Variants in GSK3B observed in about 807,000 individuals in gnomAD.
GSK3B encodes the protein glycogen synthase kinase 3 beta.
A neutral mutation model predicts 56.4 loss-of-function variants in GSK3B; 15 were observed. That is an observed-to-expected ratio of 0.27 (90% CI 0.18 to 0.41). The LOEUF is 0.41. GSK3B is among the 10% of genes least tolerant of loss of function. The pLI, the probability that GSK3B is intolerant of heterozygous loss-of-function variation, is 1.00. For missense variants in GSK3B, 300 were observed against 513.4 expected (o/e 0.58, Z 4.02); for synonymous variants, 181 against 188.9 (o/e 0.96, Z 0.34).
At chr3:119,915,534 T>C (rs2056771983) in intron 5 of GSK3B, among the ~76,000 whole-genome samples, 1 of 152,112 alleles carries the variant, frequency 6.6e-6, no homozygotes, top group South Asian at 2.1e-4. Flanking sequence ...TACTTGTGTA[T>C]ATATGTGTGT....
At chr3:119,838,427 T>C (rs915856040) in intron 10 of GSK3B, among the ~76,000 whole-genome samples, 15 of 152,132 alleles carry the variant, frequency 9.9e-5, no homozygotes, top group Non-Finnish European at 1.6e-4. Context: ...ATAAAGAATG[T>C]TTTTTAGGAA....
chr3:120,033,513 C>G (rs1454141963), intron 1 of GSK3B, among the ~76,000 whole-genome samples: 2 of 152,168 alleles, frequency 1.3e-5, no homozygotes, highest in Admixed American at 1.3e-4. Context: ...TCTAGCCATC[C>G]TAATGAGTCT....
At chr3:119,841,965 G>A (rs181556544) in intron 10 of GSK3B, among the ~76,000 whole-genome samples, 1 of 152,078 alleles carries the variant, frequency 6.6e-6, no homozygotes, top group African/African-American at 2.4e-5. Context: ...AACTAGTAAT[G>A]AAAGATTTTA....
chr3:119,900,422 G>C (rs2056613633), intron 7 of GSK3B, among the ~76,000 whole-genome samples: 1 of 152,054 alleles, frequency 6.6e-6, no homozygotes, highest in South Asian at 2.1e-4. Flanking sequence ...CAAATGGTTG[G>C]TTTATTTTTA....
chr3:119,971,007 T>G (rs1350177839), intron 2 of GSK3B, among the ~76,000 whole-genome samples: 1 of 152,236 alleles, frequency 6.6e-6, no homozygotes, highest in Non-Finnish European at 1.5e-5. Context: ...AATAACTGCA[T>G]AGATTCCACT....
chr3:120,091,448 A>G (rs569401362), intron 1 of GSK3B, among the ~76,000 whole-genome samples: 10 of 152,348 alleles, frequency 6.6e-5, no homozygotes, highest in African/African-American at 1.9e-4. Context: ...CTTAGTTAGT[A>G]TCTGTATTAC....
At chr3:120,050,677 G>A (rs902203263) in intron 1 of GSK3B, among the ~76,000 whole-genome samples, 1 of 152,142 alleles carries the variant, frequency 6.6e-6, no homozygotes, top group African/African-American at 2.4e-5. Flanking sequence ...TCTGTTTAGG[G>A]GAGGAGAGAA....
At chr3:119,866,942 C>A (rs1388744680) in intron 8 of GSK3B, among the ~76,000 whole-genome samples, 1 of 151,714 alleles carries the variant, frequency 6.6e-6, no homozygotes, top group African/African-American at 2.4e-5. Context: ...AATACAAAAC[C>A]AAAAAAAGTT....
intron 1 of GSK3B, among the ~76,000 whole-genome samples, chr3:120,071,824 TC>T (rs1409404772): frequency 6.6e-6 from 1 of 152,216 alleles, no homozygotes; most frequent in Non-Finnish European, 1.5e-5. Context: ...ACAAAAGCAG[TC>T]CTGGTGCCAA....
At position 120,093,447 on chromosome 3, in the gene GSK3B, C is replaced by A. The variant is rs777634674; in HGVS notation, c.-13G>T. The stretch of plus-strand genomic sequence containing the variant: ...GCCGCCCTGACATGATCACTCTCTT[C>A]GCGAATCACCTTTTCCTTCCTTCCT... On this transcript the variant is annotated 5_prime_UTR_variant, in exon 1 of 11. Transcript: ENST00000264235. 6 of 1,572,136 alleles carry A rather than the reference C, an allele frequency of 3.8e-6. No individual in the cohort carries two copies. Among genetic ancestry groups the A allele is most frequent in the East Asian group, 4.5e-5 (2 of 44,718 alleles).
intron 9 of GSK3B, among the ~76,000 whole-genome samples, chr3:119,848,642 T>C (rs1577313559): frequency 6.6e-6 from 1 of 152,304 alleles, no homozygotes; most frequent in South Asian, 2.1e-4. Flanking sequence ...ACTTTTAATG[T>C]AGTAGTTTTA....
intron 1 of GSK3B, among the ~76,000 whole-genome samples, chr3:120,080,570 C>T (rs1170417980): frequency 1.3e-5 from 2 of 152,024 alleles, no homozygotes; most frequent in Admixed American, 6.6e-5. Flanking sequence ...GTGGCTCATG[C>T]CTGTAATCCC....
chr3:119,948,724 G>GT (rs2057125781), intron 2 of GSK3B, among the ~76,000 whole-genome samples: 1 of 152,160 alleles, frequency 6.6e-6, no homozygotes, highest in African/African-American at 2.4e-5. Context: ...TTGAGACAGA[G>GT]TTTCACTCTT....
intron 10 of GSK3B, among the ~76,000 whole-genome samples, chr3:119,827,412 C>G (rs2055529040): frequency 6.6e-6 from 1 of 151,796 alleles, no homozygotes; most frequent in Non-Finnish European, 1.5e-5. Flanking sequence ...AATAAAGCAT[C>G]TTGTATCAAC....
intron 2 of GSK3B, among the ~76,000 whole-genome samples, chr3:119,986,293 A>T (rs1300028041): frequency 6.6e-6 from 1 of 152,226 alleles, no homozygotes; most frequent in Non-Finnish European, 1.5e-5. Flanking sequence ...TTCATGACTA[A>T]AATACCAAAA....
At chr3:119,989,402 G>A (rs1466135653) in intron 2 of GSK3B, among the ~76,000 whole-genome samples, 1 of 152,070 alleles carries the variant, frequency 6.6e-6, no homozygotes, top group Non-Finnish European at 1.5e-5. Context: ...CAGCATTTTG[G>A]GAGGCTGAGG....
At chr3:119,842,240 C>T (rs1450785568) in intron 10 of GSK3B, among the ~76,000 whole-genome samples, 1 of 152,192 alleles carries the variant, frequency 6.6e-6, no homozygotes, top group Admixed American at 6.5e-5. Flanking sequence ...TGCAAGGACA[C>T]CGGTTCTCAC....
chr3:119,874,442 A>C (rs561248326), intron 8 of GSK3B, among the ~76,000 whole-genome samples: 1 of 152,178 alleles, frequency 6.6e-6, no homozygotes, highest in Admixed American at 6.5e-5. Flanking sequence ...CTCTCTTAAA[A>C]TATCTTATTG....
chr3:120,085,312 C>T (rs2107581545), intron 1 of GSK3B, among the ~76,000 whole-genome samples: 1 of 152,294 alleles, frequency 6.6e-6, no homozygotes, highest in East Asian at 1.9e-4. Flanking sequence ...AAGCTTCCCC[C>T]TTTCCTTCAT....
Sources: allele counts gnomAD v4.1 joint callset (sites outside exome capture counted in the v4.1 genomes callset), GRCh38; gene constraint gnomAD v4.1.1; transcripts MANE v1.5; gene names NCBI Gene and HGNC (gene_info 2026-07-23, HGNC 2026-07-21).